Variants in SUGP2 observed in about 807,000 individuals in gnomAD.
SUGP2 encodes the protein SURP and G-patch domain-containing protein 2.
In SUGP2, 24 loss-of-function variants were observed where a neutral mutation model predicts 90.5. That is an observed-to-expected ratio of 0.27 (90% CI 0.19 to 0.37). The LOEUF (loss-of-function observed/expected upper bound fraction) is 0.37, where lower values mean the gene tolerates loss of function less well. Ranked by LOEUF, SUGP2 falls within the 10% of genes least tolerant of loss-of-function variation. The pLI is 1.00. For missense variants in SUGP2, 1,233 were observed against 1,363.3 expected, an observed-to-expected ratio of 0.90 and a Z score of 1.51; for synonymous variants, 473 against 513.4, an observed-to-expected ratio of 0.92 and a Z score of 1.06.
intron 4 of SUGP2, among the ~76,000 whole-genome samples, chr19:19,014,374 TG>T (rs2058417140): frequency 6.6e-6 from 1 of 152,098 alleles, no homozygotes; most frequent in Non-Finnish European, 1.5e-5. Flanking sequence ...AAGGCTCCAG[TG>T]GGAACAAATC....
rs533233445 is a variant in SUGP2 at position 18,996,426 on chromosome 19, TTTTTTTTAAATATAGAG to T, written c.2992-1163_2992-1147del. Reference sequence around the variant, plus strand: ...AAACAAAATACAAAACTTGTGTGTGTTTTTTTTAAATATAGAGTCTTGCTATGTTGCCCAGGCTGGTC... The same window carrying T: ...AAACAAAATACAAAACTTGTGTGTGTTCTTGCTATGTTGCCCAGGCTGGTC... On this transcript the variant is annotated intron_variant, in intron 8 of 10. Coordinates refer to ENST00000452918, the MANE Select transcript of SUGP2 (RefSeq NM_001017392.5). Among the ~76,000 whole-genome samples the T allele has an allele frequency of 4.9e-3, 751 of 152,154 alleles. 4 individuals carry two copies. The highest frequency in any genetic ancestry group is 0.017 in the African/African-American group (713 of 41,518).
rs1249997961 is a variant in SUGP2, at chr19:18,991,390, GGA to G, written c.*2349_*2350del. On this transcript the variant is annotated 3_prime_UTR_variant, in exon 11 of 11. Coordinates refer to ENST00000452918, the MANE Select transcript of SUGP2 (RefSeq NM_001017392.5). ...TCACTGCCCCAGCGCTGAATCCACA[GGA>G]GAGGTGTCCTCTGAGAGTGTAGGGG... The G allele has an allele frequency of 6.6e-6, 1 of 152,306 alleles. No individual in the cohort carries two copies. Among genetic ancestry groups the G allele is most frequent in the Non-Finnish European group, 1.5e-5 (1 of 68,130 alleles). The allele number at this position is 152,306 out of a possible 1,614,324, so 9.4% of individuals were successfully genotyped here. A position where few individuals can be genotyped will look rare whatever the true frequency, so the allele number is the denominator to read the frequency against.
chr19:19,001,956 G>A (rs16995852), intron 7 of SUGP2, among the ~76,000 whole-genome samples: 7,846 of 152,182 alleles, frequency 0.052, 241 homozygotes, highest in Middle Eastern at 0.11. Context: ...AAACCTAAGA[G>A]TCCCCACATT....
chr19:19,016,450 C>G (rs1348083794), intron 4 of SUGP2, among the ~76,000 whole-genome samples: 1 of 152,214 alleles, frequency 6.6e-6, no homozygotes. Flanking sequence ...GCACCAGCCC[C>G]CAGGCCTCTC....
At chr19:18,995,422 C>T (rs2145234183) in intron 8 of SUGP2, 142 bp from the exon 9 acceptor site, 1 of 990,004 alleles carries the variant, frequency 1.0e-6, no homozygotes, top group Non-Finnish European at 1.4e-6. Context: ...CCAGTCACTT[C>T]CCCAGTTCTC....
At chr19:19,011,139 TA>T (rs761596499) in intron 4 of SUGP2, among the ~76,000 whole-genome samples, 271 of 139,166 alleles carry the variant, frequency 1.9e-3, no homozygotes, top group Middle Eastern at 3.6e-3. Flanking sequence ...ACCCTATCTT[TA>T]AAAAAAAAAA....
At chr19:19,001,205 C>T (rs534017744) in intron 8 of SUGP2, among the ~76,000 whole-genome samples, 6 of 152,112 alleles carry the variant, frequency 3.9e-5, no homozygotes, top group African/African-American at 7.2e-5. Context: ...TTAGTAGAGA[C>T]GGGGTTTCAT....
intron 2 of SUGP2, 119 bp from the exon 3 acceptor site, chr19:19,026,345 C>A: frequency 1.0e-6 from 1 of 965,696 alleles, no homozygotes; most frequent in Non-Finnish European, 1.5e-6. Flanking sequence ...GCTTTATACA[C>A]CTCAGTGCTT....
intron 6 of SUGP2, among the ~76,000 whole-genome samples, chr19:19,008,041 G>A (rs1183928293): frequency 1.3e-5 from 2 of 152,110 alleles, no homozygotes; most frequent in East Asian, 3.9e-4. Flanking sequence ...CTCAGCTGAA[G>A]TGAAGTCATG....
chr19:19,022,354 C>G (rs4808906), intron 3 of SUGP2, among the ~76,000 whole-genome samples: 108,449 of 152,122 alleles, frequency 0.71, 38,919 homozygotes, highest in East Asian at 0.89. Flanking sequence ...CCTGCTGCCA[C>G]CTATCCCGCT....
intron 4 of SUGP2, among the ~76,000 whole-genome samples, chr19:19,018,645 C>G (rs1310169759): frequency 1.5e-5 from 2 of 133,170 alleles, no homozygotes; most frequent in Non-Finnish European, 3.1e-5. Flanking sequence ...CGAGATAGCG[C>G]CACTGCACTC....
chr19:19,021,825 C>A (rs2145652230), intron 3 of SUGP2, among the ~76,000 whole-genome samples: 1 of 152,062 alleles, frequency 6.6e-6, no homozygotes, highest in East Asian at 1.9e-4. Flanking sequence ...TGCCACCATG[C>A]CAGGCTAATT....
chr19:19,007,854 G>A (rs2058147291), intron 6 of SUGP2, among the ~76,000 whole-genome samples: 1 of 150,710 alleles, frequency 6.6e-6, no homozygotes, highest in African/African-American at 2.4e-5. Context: ...CCGCCTCCCG[G>A]GTTTAAGCGA....
intron 6 of SUGP2, 22 bp downstream of exon 6, chr19:19,008,295 T>C: frequency 6.4e-7 from 1 of 1,569,978 alleles, no homozygotes; most frequent in Non-Finnish European, 8.8e-7. Context: ...AAAGGTGTGA[T>C]GAGACCCGGG....
At chr19:19,026,445 A>T (rs552001501) in intron 2 of SUGP2, among the ~76,000 whole-genome samples, 404 of 152,312 alleles carry the variant, frequency 2.7e-3, no homozygotes, top group Non-Finnish European at 3.2e-3. Flanking sequence ...CAGAAGACCT[A>T]TAAGCACCAA....
chr19:19,002,938 G>A (rs4808902), intron 7 of SUGP2, among the ~76,000 whole-genome samples: 124,050 of 151,948 alleles, frequency 0.82, 50,725 homozygotes, highest in East Asian at 0.89. Flanking sequence ...CCTGCCATCC[G>A]TGACAAGTTT....
At position 19,007,755 on chromosome 19, in the gene SUGP2, C is replaced by CTTTTTTTTTTTTTTTTTTTTTTTT. The variant is rs34670209; in HGVS notation, c.2450+561_2450+562insAAAAAAAAAAAAAAAAAAAAAAAA. 1.8e-5 allele frequency among the ~76,000 whole-genome samples: 2 copies of CTTTTTTTTTTTTTTTTTTTTTTTT among 113,434 alleles called. 1 individual carries two copies. The allele number at this position is 113,434 out of a possible 152,430, so 74.4% of individuals were successfully genotyped here. A position where few individuals can be genotyped will look rare whatever the true frequency, so the allele number is the denominator to read the frequency against. ...ACAAGCATGAGCCATTGCACCTAGCCTTTTTTTTTTTTTTTTTTTTTGGAG... is the reference window on the plus strand; with the variant it reads ...ACAAGCATGAGCCATTGCACCTAGCCTTTTTTTTTTTTTTTTTTTTTTTTTTTTTTTTTTTTTTTTTTTTTGGAG... On this transcript the variant is annotated intron_variant, in intron 6 of 10. Coordinates refer to ENST00000452918, the MANE Select transcript of SUGP2 (RefSeq NM_001017392.5).
intron 6 of SUGP2, among the ~76,000 whole-genome samples, chr19:19,006,184 C>T (rs563965537): frequency 1.6e-4 from 24 of 151,746 alleles, no homozygotes; most frequent in Non-Finnish European, 3.5e-4. Context: ...CACACCACTG[C>T]ACTCCAGCTT....
intron 4 of SUGP2, among the ~76,000 whole-genome samples, chr19:19,015,438 A>C (rs1416764266): frequency 6.6e-6 from 1 of 152,040 alleles, no homozygotes; most frequent in Non-Finnish European, 1.5e-5. Flanking sequence ...ACCTAAGTTT[A>C]GCAGTTTCTT....
Sources: allele counts gnomAD v4.1 joint callset (sites outside exome capture counted in the v4.1 genomes callset), GRCh38; gene constraint gnomAD v4.1.1; transcripts MANE v1.5; gene names NCBI Gene and HGNC (gene_info 2026-07-23, HGNC 2026-07-21).